The following MED13L variants were observed in gnomAD, a reference collection of about 807,000 sequenced individuals.
MED13L encodes mediator complex subunit 13L.
In MED13L, 7 loss-of-function variants were observed where a neutral mutation model predicts 220.9. The observed-to-expected ratio is 0.03, with a 90% CI of 0.02 to 0.06. MED13L has a LOEUF of 0.06. Ranked by LOEUF, MED13L falls within the 10% of genes least tolerant of loss-of-function variation. The probability of loss-of-function intolerance (pLI) is 1.00; values close to 1 mark genes in which losing one functional copy is unlikely to be tolerated. For synonymous variants in MED13L, 1,011 were observed against 1,015.2 expected, an observed-to-expected ratio of 1.00 and a Z score of 0.08; for missense variants, 1,965 against 2,760.5, an observed-to-expected ratio of 0.71 and a Z score of 6.46.
At chr12:116,203,929 A>T (rs2138321523) in intron 2 of MED13L, among the ~76,000 whole-genome samples, 1 of 152,338 alleles carries the variant, frequency 6.6e-6, no homozygotes, top group Admixed American at 6.5e-5. Flanking sequence ...ATAAAAACCC[A>T]TTGCACAAAT....
chr12:116,241,014 A>C (rs538467484), intron 1 of MED13L, among the ~76,000 whole-genome samples: 35 of 152,172 alleles, frequency 2.3e-4, no homozygotes, highest in African/African-American at 5.1e-4. Flanking sequence ...AAGGTAATAA[A>C]AACACACCAA....
chr12:116,243,776 T>C (rs1200172069), intron 1 of MED13L, among the ~76,000 whole-genome samples: 1 of 152,160 alleles, frequency 6.6e-6, no homozygotes, highest in African/African-American at 2.4e-5. Flanking sequence ...TTAGGAGGTC[T>C]AGGTCCTAAG....
intron 16 of MED13L, 106 bp from the exon 17 acceptor site, chr12:115,992,063 T>C: frequency 9.7e-7 from 1 of 1,035,542 alleles, no homozygotes; most frequent in Non-Finnish European, 1.5e-6. Flanking sequence ...ATCATTTGTT[T>C]CTGCTATCAC....
At chr12:116,258,754 C>T (rs1431330822) in intron 1 of MED13L, among the ~76,000 whole-genome samples, 5 of 138,136 alleles carry the variant, frequency 3.6e-5, no homozygotes, top group African/African-American at 8.2e-5. Context: ...CCGGCCTGGG[C>T]GACAGAGTGA....
intron 2 of MED13L, among the ~76,000 whole-genome samples, chr12:116,121,418 T>G (rs1875084806): frequency 6.6e-6 from 1 of 152,124 alleles, no homozygotes; most frequent in Non-Finnish European, 1.5e-5. Flanking sequence ...CAAAGCAGCA[T>G]ATACTTCAAT....
At chr12:116,223,774 G>T (rs1374015213) in intron 2 of MED13L, among the ~76,000 whole-genome samples, 1 of 152,002 alleles carries the variant, frequency 6.6e-6, no homozygotes, top group Non-Finnish European at 1.5e-5. Context: ...TCAAAATGCA[G>T]TTAAAAAAGA....
intron 27 of MED13L, among the ~76,000 whole-genome samples, chr12:115,969,823 C>T (rs971218543): frequency 4.0e-5 from 6 of 151,832 alleles, no homozygotes; most frequent in Admixed American, 1.3e-4. Flanking sequence ...CGTGCCTGGC[C>T]CAGCATTTTC....
intron 2 of MED13L, among the ~76,000 whole-genome samples, chr12:116,223,644 C>T (rs1489403621): frequency 6.6e-6 from 1 of 152,012 alleles, no homozygotes; most frequent in Non-Finnish European, 1.5e-5. Flanking sequence ...GTGGAGGTTG[C>T]GGTGAGCAGA....
chr12:115,996,862 G>A, intron 15 of MED13L, 148 bp downstream of exon 15: 1 of 1,014,728 alleles, frequency 9.9e-7, no homozygotes. Flanking sequence ...TATTTAATAT[G>A]CCTGCTGGTG....
rs558370085 is a variant in MED13L at position 116,220,438 on chromosome 12, C to T, written c.310+17030G>A. On this transcript the variant is annotated intron_variant, in intron 2 of 30. Coordinates refer to ENST00000281928, the MANE Select transcript of MED13L (RefSeq NM_015335.5). Reference sequence around the variant, plus strand: ...ATAGGGCCGGACGTGGTGACTCATGCCTATAATCCCAACACTTTGGGAGGC... The same window carrying T: ...ATAGGGCCGGACGTGGTGACTCATGTCTATAATCCCAACACTTTGGGAGGC... Among the ~76,000 whole-genome samples the T allele has an allele frequency of 6.6e-5, 10 of 152,336 alleles. No individual in the cohort carries two copies. In the East Asian group the frequency reaches 1.7e-3, roughly 26 times the overall value.
chr12:116,272,329 G>A (rs532083476), intron 1 of MED13L, among the ~76,000 whole-genome samples: 19 of 152,248 alleles, frequency 1.2e-4, no homozygotes, highest in Admixed American at 5.9e-4. Context: ...TTGGGAGGCC[G>A]AGGCAGGCGG....
At chr12:116,009,616 T>C (rs902353710) in intron 9 of MED13L, among the ~76,000 whole-genome samples, 1 of 152,180 alleles carries the variant, frequency 6.6e-6, no homozygotes, top group African/African-American at 2.4e-5. Flanking sequence ...TGCCTCAAAG[T>C]GTGGAACTAA....
intron 2 of MED13L, among the ~76,000 whole-genome samples, chr12:116,232,430 C>T (rs976673854): frequency 2.0e-5 from 3 of 152,140 alleles, no homozygotes; most frequent in Non-Finnish European, 2.9e-5. Flanking sequence ...CTATTTCTAT[C>T]CCCTTGGGAA....
intron 1 of MED13L, among the ~76,000 whole-genome samples, chr12:116,260,026 G>C (rs1872390722): frequency 1.3e-5 from 2 of 152,156 alleles, no homozygotes; most frequent in African/African-American, 4.8e-5. Flanking sequence ...GAAGAATTGG[G>C]GTAAATCTGA....
chr12:116,056,610 G>C (rs1285249883), intron 4 of MED13L, among the ~76,000 whole-genome samples: 1 of 152,150 alleles, frequency 6.6e-6, no homozygotes, highest in African/African-American at 2.4e-5. Flanking sequence ...TTAAGTACTA[G>C]AATTAGTTCC....
intron 1 of MED13L, among the ~76,000 whole-genome samples, chr12:116,269,779 A>G (rs1467184286): frequency 6.6e-6 from 1 of 152,250 alleles, no homozygotes; most frequent in East Asian, 1.9e-4. Context: ...AGTAGTAGAA[A>G]TACAGTTTTA....
chr12:116,135,528 T>C (rs1876462953), intron 2 of MED13L, among the ~76,000 whole-genome samples: 1 of 152,206 alleles, frequency 6.6e-6, no homozygotes, highest in African/African-American at 2.4e-5. Context: ...CCTTTCCAAA[T>C]TCTTGACCTA....
chr12:116,221,036 C>T (rs1868389700), intron 2 of MED13L, among the ~76,000 whole-genome samples: 1 of 152,076 alleles, frequency 6.6e-6, no homozygotes, highest in South Asian at 2.1e-4. Context: ...CTCTATCCTA[C>T]ATATTAAATA....
intron 2 of MED13L, among the ~76,000 whole-genome samples, chr12:116,157,479 C>CT (rs1878530578): frequency 6.6e-6 from 1 of 152,146 alleles, no homozygotes; most frequent in South Asian, 2.1e-4. Context: ...CTAAACTCCT[C>CT]AAGGATCTAC....
Sources: allele counts gnomAD v4.1 joint callset (sites outside exome capture counted in the v4.1 genomes callset), GRCh38; gene constraint gnomAD v4.1.1; transcripts MANE v1.5; gene names NCBI Gene and HGNC (gene_info 2026-07-23, HGNC 2026-07-21).